Variants in TUBB4A observed in about 807,000 individuals in gnomAD.
TUBB4A encodes tubulin beta 4A class IVa.
In TUBB4A, 13 loss-of-function variants were observed where a neutral mutation model predicts 35.1. That is an observed-to-expected ratio of 0.37 (90% CI 0.24 to 0.59). The LOEUF (loss-of-function observed/expected upper bound fraction) is 0.59. Among genes scored for constraint, TUBB4A ranks in the 20% least tolerant of loss-of-function variants. TUBB4A has a pLI of 0.71. For missense variants in TUBB4A, 299 were observed against 647.2 expected, an observed-to-expected ratio of 0.46 and a Z score of 5.84; for synonymous variants, 279 against 272.4, an observed-to-expected ratio of 1.02 and a Z score of -0.24.
chr19:6,495,216 G>C lies in TUBB4A; in HGVS notation c.1283C>G (p.Ala428Gly). The C allele has an allele frequency of 6.2e-7, 1 of 1,613,946 alleles. No individual in the cohort carries two copies. Among genetic ancestry groups the C allele is most frequent in the Non-Finnish European group, 8.5e-7 (1 of 1,179,874 alleles). ...CTCGAACTCGCCCTCCTCGGCCGTG[G>C]CGTCCTGGTACTGCTGGTACTCAGA... The part of the protein sequence containing the change: ...LVSEYQQYQD[A>G]TAEEGEFEEE... Residue 428 changes from alanine to glycine, a missense_variant, in exon 4 of 4, where the codon GCC (alanine) becomes GGC (glycine). Transcript: ENST00000264071. The surrounding 1 kb of genome is among the most constrained non-coding windows in gnomAD (Gnocchi z 8.7).
rs1392607895 is a variant in TUBB4A at position 6,502,286 on chromosome 19, G to A, written c.-74C>T. On this transcript the variant is annotated 5_prime_UTR_variant, in exon 1 of 4. Coordinates refer to ENST00000264071, the MANE Select transcript of TUBB4A (RefSeq NM_006087.4). ...AGCTGCGGCGGCGGCGAGGGTGGAA[G>A]ATGCGGCGGAGACGGCGGAGCACGG... 3 of 1,441,578 alleles carry A rather than the reference G, an allele frequency of 2.1e-6. No homozygotes were observed. The highest frequency in any genetic ancestry group is 2.8e-5 in the East Asian group (1 of 35,452). The allele number at this position is 1,441,578 out of a possible 1,614,324, so 89.3% of individuals were successfully genotyped here.
chr19:6,497,718 G>A (rs1914315606), intron 3 of TUBB4A, among the ~76,000 whole-genome samples: 1 of 151,718 alleles, frequency 6.6e-6, no homozygotes, highest in Non-Finnish European at 1.5e-5. Flanking sequence ...CAGATTGCGA[G>A]GTTAGGAGAT....
At chr19:6,497,064 T>TATATATATATATATATATAA in intron 3 of TUBB4A, among the ~76,000 whole-genome samples, 1 of 74,618 alleles carries the variant, frequency 1.3e-5, no homozygotes, top group Non-Finnish European at 2.4e-5. Flanking sequence ...TATATATATA[T>TATATATATATATATATATAA]AAATTAGCCA....
rs1410370149 is a variant in TUBB4A, at chr19:6,501,304, G to A, written c.260C>T (p.Pro87Leu). 1 of 1,613,940 alleles carries A rather than the reference G, an allele frequency of 6.2e-7. No individual in the cohort carries two copies. The highest frequency in any genetic ancestry group is 8.5e-7 in the Non-Finnish European group (1 of 1,179,900). ...RSGPFGQIFR[P>L]DNFVFGQSGA... ...GGACTCACCAAACACGAAGTTGTCC[G>A]GCCGAAAGATCTGACCGAAGGGGCC... Residue 87 changes from proline to leucine, a missense_variant, in exon 3 of 4, where the codon CCG becomes CTG. By Grantham distance (98) the Pro-to-Leu change is moderately conservative. This residue lies in a region of TUBB4A where 123 missense variants were observed against 226.0 expected (regional missense o/e 0.54). Transcript: ENST00000264071. This position sits in a 1 kb window ranked among gnomAD's most constrained non-coding sequence, Gnocchi z 4.2.
Position 6,496,031 on chromosome 19 carries a change from G to T in TUBB4A, c.468C>A (p.Arg156=). The T allele has an allele frequency of 1.2e-6, 2 of 1,614,200 alleles. No homozygotes were observed. Among genetic ancestry groups the T allele is most frequent in the Admixed American group, 1.7e-5 (1 of 60,014 alleles). Residue 156 remains arginine, a synonymous_variant, in exon 4 of 4, where the codon CGC becomes CGA. Coordinates refer to ENST00000264071, the MANE Select transcript of TUBB4A (RefSeq NM_006087.4). The stretch of plus-strand genomic sequence containing the variant: ...TCATGATGCGGTCTGGGAACTCCTC[G>T]CGGATCTTACTGATGAGCAGCGTGC... ...GMGTLLISKI[R]EEFPDRIMNT...
chr19:6,495,484 T>C lies in TUBB4A; in HGVS notation c.1015A>G (p.Ser339Gly). The C allele has an allele frequency of 6.2e-7, 1 of 1,614,214 alleles. No homozygotes were observed. The highest frequency in any genetic ancestry group is 2.2e-5 in the East Asian group (1 of 44,886). Residue 339 changes from serine to glycine, a missense_variant, in exon 4 of 4, where the codon AGC becomes GGC. Transcript: ENST00000264071. The surrounding 1 kb of genome is among the most constrained non-coding windows in gnomAD (Gnocchi z 8.7). ...QMLSVQSKNS[S>G]YFVEWIPNNV... ...TTGGGGATCCACTCCACGAAGTAGCTGCTGTTCTTGCTCTGCACGCTCAGC... is the reference window on the plus strand; with the variant it reads ...TTGGGGATCCACTCCACGAAGTAGCCGCTGTTCTTGCTCTGCACGCTCAGC...
Position 6,501,838 on chromosome 19 carries a change from G to T in TUBB4A, c.58-215C>A, listed in dbSNP as rs1358725253. 4 of 592,648 alleles carry T rather than the reference G, an allele frequency of 6.7e-6. No individual in the cohort carries two copies. Among genetic ancestry groups the T allele is most frequent in the Non-Finnish European group, 1.2e-5 (4 of 336,400 alleles). The allele number at this position is 592,648 out of a possible 1,614,324, so 36.7% of individuals were successfully genotyped here. ...AGTCAGCACCCAGCGGGGCCGGCTG[G>T]TGCCAGCGCACCCAGGCTGCAGCCC... is the stretch of plus-strand genomic sequence containing the variant. On this transcript the variant is annotated intron_variant, in intron 1 of 3. Coordinates refer to ENST00000264071, the MANE Select transcript of TUBB4A (RefSeq NM_006087.4). The surrounding 1 kb of genome is among the most constrained non-coding windows in gnomAD (Gnocchi z 4.2).
upstream of TUBB4A, chr19:6,502,803 TG>T: frequency 6.6e-6 from 1 of 152,166 alleles, no homozygotes; most frequent in Non-Finnish European, 1.5e-5. Context: ...GGTTTGCGGG[TG>T]GGGGGCGGTA....
Position 6,495,184 on chromosome 19 carries a change from C to T in TUBB4A, c.1315G>A (p.Ala439Thr). The change falls in exon 4 of 4, where the codon GCG (alanine) becomes ACG (threonine). Residue 439 changes from alanine to threonine, a missense_variant. Around this residue, in one of 5 missense-constraint regions of TUBB4A, gnomAD observed 125 missense variants for 279.1 expected, o/e 0.45. Coordinates refer to ENST00000264071, the MANE Select transcript of TUBB4A (RefSeq NM_006087.4). The surrounding 1 kb of genome is among the most constrained non-coding windows in gnomAD (Gnocchi z 8.7). The part of the protein sequence containing the change: ...TAEEGEFEEE[A>T]EEEVA ...GCAGCCTAGGCCACCTCCTCCTCCG[C>T]CTCCTCCTCGAACTCGCCCTCCTCG... 1 of 1,613,890 alleles carries T rather than the reference C, an allele frequency of 6.2e-7. No individual in the cohort carries two copies. Among genetic ancestry groups the T allele is most frequent in the Non-Finnish European group, 8.5e-7 (1 of 1,179,860 alleles).
At chr19:6,496,286 C>T (rs986044878) in intron 3 of TUBB4A, 65 bp from the exon 4 acceptor site, 14 of 1,470,912 alleles carry the variant, frequency 9.5e-6, no homozygotes, top group Non-Finnish European at 1.2e-5. Context: ...GACTCTGTCT[C>T]TCCACCACCT....
rs908208675 is a variant in TUBB4A, at chr19:6,502,288, T to C, written c.-76A>G. 1.0e-5 allele frequency: 15 copies of C among 1,437,836 alleles called. No homozygotes were observed. The highest frequency in any genetic ancestry group is 2.5e-4 in the Middle Eastern group (1 of 4,050). The allele number at this position is 1,437,836 out of a possible 1,614,324, so 89.1% of individuals were successfully genotyped here. A position where few individuals can be genotyped will look rare whatever the true frequency, so the allele number is the denominator to read the frequency against. Reference sequence around the variant, plus strand: ...CTGCGGCGGCGGCGAGGGTGGAAGATGCGGCGGAGACGGCGGAGCACGGTC... The same window carrying C: ...CTGCGGCGGCGGCGAGGGTGGAAGACGCGGCGGAGACGGCGGAGCACGGTC... On this transcript the variant is annotated 5_prime_UTR_variant, in exon 1 of 4. Coordinates refer to ENST00000264071, the MANE Select transcript of TUBB4A (RefSeq NM_006087.4).
intron 3 of TUBB4A, among the ~76,000 whole-genome samples, chr19:6,498,307 T>G: frequency 6.6e-6 from 1 of 152,152 alleles, no homozygotes; most frequent in Non-Finnish European, 1.5e-5. Flanking sequence ...CCACCTTAGT[T>G]CAGCTCCAGC....
In TUBB4A at chr19:6,501,182, C is replaced by T; in HGVS notation, c.277+105G>A. The T allele has an allele frequency of 1.1e-6, 1 of 906,328 alleles. No individual in the cohort carries two copies. The highest frequency in any genetic ancestry group is 1.7e-6 in the Non-Finnish European group (1 of 593,084). 56.1% of individuals were successfully genotyped at this position (906,328 alleles called of 1,614,324 possible). On this transcript the variant is annotated intron_variant, in intron 3 of 3. Transcript: ENST00000264071. This position sits in a 1 kb window ranked among gnomAD's most constrained non-coding sequence, Gnocchi z 4.2. ...GCAGGGCTGGTGCCTGGTGCCCTGT[C>T]CACCCCATCTCTGGTCTGTGGGCCC...
rs1333214264 is a variant in TUBB4A, at chr19:6,501,387, A to G, written c.177T>C (p.Tyr59=). 3 of 1,613,530 alleles carry G rather than the reference A, an allele frequency of 1.9e-6. No homozygotes were observed. The highest frequency in any genetic ancestry group is 2.7e-5 in the African/African-American group (2 of 74,928). Reference sequence around the variant, plus strand: ...GGTCCACCAGCACCGCTCTGGGGACATAATTTCCTCCTGCAGGGAAACAGA... The same window carrying G: ...GGTCCACCAGCACCGCTCTGGGGACGTAATTTCCTCCTGCAGGGAAACAGA... ...VYYNEATGGN[Y]VPRAVLVDLE... Residue 59 remains tyrosine, a synonymous_variant, in exon 3 of 4, where the codon TAT becomes TAC. Coordinates refer to ENST00000264071, the MANE Select transcript of TUBB4A (RefSeq NM_006087.4). This position sits in a 1 kb window ranked among gnomAD's most constrained non-coding sequence, Gnocchi z 4.2.
chr19:6,497,011 AAAAAAAAAAAAAAATATATATAT>A (rs1191676311), intron 3 of TUBB4A, among the ~76,000 whole-genome samples: 2 of 53,734 alleles, frequency 3.7e-5, no homozygotes, highest in African/African-American at 7.2e-5. Flanking sequence ...AAAAAAAAAA[AAAAAAAAAAAAAAATATATATAT>A]ATATATATAT....
rs769038214 is a variant in TUBB4A at position 6,495,583 on chromosome 19, G to A, written c.916C>T (p.Arg306Cys). ...AKNMMAACDP[R>C]HGRYLTVAAV... ...GCCACGGTCAGGTAGCGGCCGTGGC[G>A]CGGGTCGCACGCCGCCATCATGTTC... The change falls in exon 4 of 4, where the codon CGC becomes TGC. Residue 306 changes from arginine to cysteine, a missense_variant. This residue lies in a region of TUBB4A where 125 missense variants were observed against 279.1 expected (regional missense o/e 0.45). Transcript: ENST00000264071. This position sits in a 1 kb window ranked among gnomAD's most constrained non-coding sequence, Gnocchi z 8.7. The A allele has an allele frequency of 5.6e-6, 9 of 1,613,840 alleles. No individual in the cohort carries two copies. Among genetic ancestry groups the A allele is most frequent in the Non-Finnish European group, 6.8e-6 (8 of 1,179,920 alleles).
At chr19:6,497,025 ATATATATATATATATATATATATAT>A (rs1300506593) in intron 3 of TUBB4A, among the ~76,000 whole-genome samples, 14 of 8,420 alleles carry the variant, frequency 1.7e-3, no homozygotes, top group African/African-American at 2.0e-3. Flanking sequence ...AAAAAAAAAA[ATATATATATATATATATATATATAT>A]ATATATATAT....
chr19:6,497,565 C>T (rs1319735643), intron 3 of TUBB4A, among the ~76,000 whole-genome samples: 1 of 151,926 alleles, frequency 6.6e-6, no homozygotes, highest in African/African-American at 2.4e-5. Flanking sequence ...CATGCTTGGC[C>T]TGTGTTTTCT....
upstream of TUBB4A, chr19:6,502,485 C>A (rs971132232): frequency 1.4e-5 from 6 of 442,258 alleles, no homozygotes; most frequent in South Asian, 7.1e-5. Context: ...CGGGACGCCA[C>A]GTGCTCCGAC....
Sources: gnomAD v4.1 joint callset for allele counts (sites outside exome capture counted in the v4.1 genomes callset) on GRCh38, gnomAD v4.1.1 for gene constraint, gnomAD v4.1.1 regional missense constraint, Gnocchi (gnomAD v3.1) non-coding constraint, MANE v1.5 for transcripts, NCBI Gene and HGNC (gene_info 2026-07-23, HGNC 2026-07-21) for gene names.